Variants in DPYS observed in about 807,000 individuals in gnomAD.
The protein encoded by DPYS is dihydropyrimidine amidohydrolase.
A neutral mutation model predicts 50.3 loss-of-function variants in DPYS; 39 were observed. The observed-to-expected ratio is 0.78, with a 90% CI of 0.60 to 1.01. The LOEUF is 1.01. Ranked by LOEUF, DPYS falls within the 50% of genes least tolerant of loss-of-function variation. DPYS has a pLI of 0.00. For synonymous variants in DPYS, 245 were observed against 250.7 expected, an observed-to-expected ratio of 0.98 and a Z score of 0.22; for missense variants, 659 against 680.9, an observed-to-expected ratio of 0.97 and a Z score of 0.36.
intron 6 of DPYS, 132 bp downstream of exon 6, chr8:104,427,848 A>T: frequency 7.6e-7 from 1 of 1,319,338 alleles, no homozygotes. Context: ...ATAGTATTGC[A>T]TTCCTAGTAT....
chr8:104,466,849 G>C lies in DPYS; in HGVS notation c.72C>G (p.Asp24Glu). 6.5e-7 allele frequency: 1 copy of C among 1,531,690 alleles called. No individual in the cohort carries two copies. The highest frequency in any genetic ancestry group is 8.7e-7 in the Non-Finnish European group (1 of 1,144,768). 94.9% of individuals were successfully genotyped at this position (1,531,690 alleles called of 1,614,324 possible). A position where few individuals can be genotyped will look rare whatever the true frequency, so the allele number is the denominator to read the frequency against. ...GCACCACGCCGTCCTCCACCAGCACGTCGGCCACCTCCGAGAAGTCATCGT... is the reference window on the plus strand; with the variant it reads ...GCACCACGCCGTCCTCCACCAGCACCTCGGCCACCTCCGAGAAGTCATCGT... ...VVNDDFSEVA[D>E]VLVEDGVVRA... is the part of the protein sequence containing the mutation. The change falls in exon 1 of 10, where the codon GAC becomes GAG. Residue 24 changes from aspartate to glutamate, a missense_variant. Transcript: ENST00000351513.
Position 104,428,141 on chromosome 8 carries a change from A to C in DPYS, c.951-20T>G, listed in dbSNP as rs755092259. The C allele has an allele frequency of 6.2e-7, 1 of 1,614,182 alleles. No homozygotes were observed. Among genetic ancestry groups the C allele is most frequent in the Admixed American group, 1.7e-5 (1 of 60,032 alleles). On this transcript the variant is annotated intron_variant, in intron 5 of 9. Transcript: ENST00000351513. ...TCATCACTGTAAAAGAAAAAACACG[A>C]GAGTGATGGGGTGAGTATACAGAAT...
rs760380014 is a variant in DPYS, at chr8:104,443,973, G to T, written c.793+275C>A. ...GGCTGCTAGTGGCATTGAGTGTGGGGGCATGTGGCTAAAGGAAATGTCCTG... is the reference window on the plus strand; with the variant it reads ...GGCTGCTAGTGGCATTGAGTGTGGGTGCATGTGGCTAAAGGAAATGTCCTG... On this transcript the variant is annotated intron_variant, in intron 4 of 9. Coordinates refer to ENST00000351513, the MANE Select transcript of DPYS (RefSeq NM_001385.3). Among the ~76,000 whole-genome samples, 29 of 152,100 alleles carry T rather than the reference G, an allele frequency of 1.9e-4. 1 individual carries two copies. Among genetic ancestry groups the T allele is most frequent in the Non-Finnish European group, 3.8e-4 (26 of 68,024 alleles).
Position 104,429,325 on chromosome 8 carries a change from C to T in DPYS, c.950+220G>A, listed in dbSNP as rs186952636. On this transcript the variant is annotated intron_variant, in intron 5 of 9. Transcript: ENST00000351513. ...GAAAAGAGTAAAGTTTCAGTGAAAACGATCTGATTTCTGAGAGTCTAGGAA... is the reference window on the plus strand; with the variant it reads ...GAAAAGAGTAAAGTTTCAGTGAAAATGATCTGATTTCTGAGAGTCTAGGAA... 63 of 574,550 alleles carry T rather than the reference C, an allele frequency of 1.1e-4. 3 individuals are homozygous for T. The highest frequency in any genetic ancestry group is 4.6e-4 in the Admixed American group (15 of 32,420). The allele number at this position is 574,550 out of a possible 1,614,324, so 35.6% of individuals were successfully genotyped here.
chr8:104,449,667 A>C (rs1813663521), intron 2 of DPYS, among the ~76,000 whole-genome samples: 1 of 152,242 alleles, frequency 6.6e-6, no homozygotes, highest in African/African-American at 2.4e-5. Context: ...TATCAAGTGG[A>C]AACTGGGATG....
intron 5 of DPYS, 30 bp downstream of exon 5, chr8:104,429,515 A>G (rs745452886): frequency 1.2e-6 from 2 of 1,613,762 alleles, no homozygotes; most frequent in Non-Finnish European, 8.5e-7. Flanking sequence ...TTTTGGCAAT[A>G]CACTTCCCAG....
intron 7 of DPYS, among the ~76,000 whole-genome samples, chr8:104,419,354 T>G (rs1478442245): frequency 6.6e-6 from 1 of 152,196 alleles, no homozygotes. Context: ...GTTCAACATT[T>G]ATTGTGCTTC....
At chr8:104,437,622 GAT>G (rs999906506) in intron 4 of DPYS, among the ~76,000 whole-genome samples, 2 of 152,142 alleles carry the variant, frequency 1.3e-5, no homozygotes, top group African/African-American at 4.8e-5. Context: ...TTATTTAGCA[GAT>G]ATTCAAAAAT....
rs1188221110 is a variant in DPYS, at chr8:104,405,286, CTT to C, written c.1236-12297_1236-12296del. Among the ~76,000 whole-genome samples the C allele has an allele frequency of 2.0e-5, 3 of 152,296 alleles. No homozygotes were observed. In the East Asian group the frequency reaches 5.8e-4, roughly 29 times the overall value. On this transcript the variant is annotated intron_variant, in intron 7 of 9. Transcript: ENST00000351513. Reference sequence around the variant, plus strand: ...ACAGAGACTTAGAGAGCTTGAGTAACTTGTCCTGAGTCAGCAGGGCCAGAAAT... The same window carrying C: ...ACAGAGACTTAGAGAGCTTGAGTAACGTCCTGAGTCAGCAGGGCCAGAAAT...
At chr8:104,440,770 A>G (rs1813327445) in intron 4 of DPYS, among the ~76,000 whole-genome samples, 1 of 152,004 alleles carries the variant, frequency 6.6e-6, no homozygotes, top group South Asian at 2.1e-4. Context: ...AAAAAAAAAC[A>G]TAAAACAAAA....
intron 1 of DPYS, among the ~76,000 whole-genome samples, chr8:104,451,672 G>A (rs1306226010): frequency 6.6e-6 from 1 of 152,182 alleles, no homozygotes; most frequent in South Asian, 2.1e-4. Flanking sequence ...AAAGAAAACA[G>A]AGTGAGGATT....
intron 7 of DPYS, among the ~76,000 whole-genome samples, chr8:104,394,849 A>T (rs1314399399): frequency 6.7e-6 from 1 of 148,924 alleles, no homozygotes; most frequent in Admixed American, 6.8e-5. Flanking sequence ...GATCGTTTAT[A>T]ACATCTTATT....
rs569093865 is a variant in DPYS at position 104,420,377 on chromosome 8, C to T, written c.1235+3870G>A. The T allele has an allele frequency of 2.0e-5, 3 of 152,250 alleles. 1 individual carries two copies. Among genetic ancestry groups the T allele is most frequent in the African/African-American group, 7.2e-5 (3 of 41,550 alleles). 9.4% of individuals were successfully genotyped at this position (152,250 alleles called of 1,614,324 possible). Reference sequence around the variant, plus strand: ...GAGAAAGCTGGTGCTGTGATCGACCCAGACAAGGGCTCAGCATACAGTTTC... The same window carrying T: ...GAGAAAGCTGGTGCTGTGATCGACCTAGACAAGGGCTCAGCATACAGTTTC... On this transcript the variant is annotated intron_variant, in intron 7 of 9. Transcript: ENST00000351513.
intron 7 of DPYS, among the ~76,000 whole-genome samples, chr8:104,408,430 A>G (rs926327764): frequency 1.3e-5 from 2 of 152,218 alleles, no homozygotes; most frequent in African/African-American, 4.8e-5. Flanking sequence ...ACTAATAAAC[A>G]TGAAAAAGTG....
chr8:104,430,024 G>T (rs1260141444), intron 4 of DPYS, among the ~76,000 whole-genome samples: 2 of 152,086 alleles, frequency 1.3e-5, no homozygotes, highest in African/African-American at 2.4e-5. Flanking sequence ...AAATGCTATT[G>T]TTATCTCCAT....
chr8:104,423,101 T>C (rs1253748466), intron 7 of DPYS, among the ~76,000 whole-genome samples: 1 of 152,250 alleles, frequency 6.6e-6, no homozygotes, highest in Non-Finnish European at 1.5e-5. Flanking sequence ...AAGAAAGACC[T>C]TGAACCATGT....
In DPYS at chr8:104,447,577, G is replaced by A. The variant is rs184414877; in HGVS notation, c.424-74C>T. On this transcript the variant is annotated intron_variant, in intron 2 of 9. Coordinates refer to ENST00000351513, the MANE Select transcript of DPYS (RefSeq NM_001385.3). ...TGATAATTTCAACCTTCTCTAAAAC[G>A]TTGCATTCGGAAGAGAACTAAGTAA... is the stretch of plus-strand genomic sequence containing the variant. The A allele has an allele frequency of 1.4e-4, 209 of 1,541,694 alleles. 1 individual carries two copies. Among genetic ancestry groups the A allele is most frequent in the Non-Finnish European group, 1.8e-4 (201 of 1,118,920 alleles).
intron 7 of DPYS, among the ~76,000 whole-genome samples, chr8:104,415,730 C>T (rs1812343709): frequency 1.3e-5 from 2 of 151,936 alleles, no homozygotes; most frequent in South Asian, 4.1e-4. Context: ...ATCCAAGCTT[C>T]TTAATTTTAG....
chr8:104,388,364 C>T (rs1466976750), intron 8 of DPYS, among the ~76,000 whole-genome samples: 1 of 151,888 alleles, frequency 6.6e-6, no homozygotes, highest in African/African-American at 2.4e-5. Context: ...GGTTGGGGTT[C>T]CCTATTACTG....
Sources: gnomAD v4.1 joint callset for allele counts (sites outside exome capture counted in the v4.1 genomes callset) on GRCh38, gnomAD v4.1.1 for gene constraint, MANE v1.5 for transcripts, NCBI Gene and HGNC (gene_info 2026-07-23, HGNC 2026-07-21) for gene names.